The following CARM1 variants were observed in gnomAD, a reference collection of about 807,000 sequenced individuals.
CARM1 encodes the protein coactivator associated arginine methyltransferase 1.
In CARM1, 14 loss-of-function variants were observed where a neutral mutation model predicts 72.7. The observed-to-expected ratio is 0.19, with a 90% confidence interval of 0.13 to 0.30. The LOEUF is 0.30. Among genes scored for constraint, CARM1 ranks in the 10% least tolerant of loss-of-function variants. The probability of loss-of-function intolerance (pLI) is 1.00; values close to 1 mark genes in which losing one functional copy is unlikely to be tolerated. For missense variants in CARM1, 432 were observed against 833.7 expected (o/e 0.52, Z 5.93); for synonymous variants, 333 against 345.5 (o/e 0.96, Z 0.40).
At chr19:10,880,128 C>T (rs565256158) in intron 1 of CARM1, among the ~76,000 whole-genome samples, 1 of 152,214 alleles carries the variant, frequency 6.6e-6, no homozygotes, top group Admixed American at 6.5e-5. Flanking sequence ...CTCAGGAAGA[C>T]CTCTGTGGCA....
chr19:10,872,326 T>C (rs995378463), intron 1 of CARM1, among the ~76,000 whole-genome samples: 3 of 150,082 alleles, frequency 2.0e-5, no homozygotes, highest in African/African-American at 7.4e-5. Flanking sequence ...CGTGGCCGCC[T>C]CTGCAGGGAG....
chr19:10,897,874 G>A (rs1161133263), intron 1 of CARM1, among the ~76,000 whole-genome samples: 1 of 152,140 alleles, frequency 6.6e-6, no homozygotes, highest in Admixed American at 6.5e-5. Context: ...GGGAGGCTGA[G>A]GCAGGCGGAT....
chr19:10,921,144 G>A lies in CARM1; in HGVS notation c.1615+17G>A. On this transcript the variant is annotated intron_variant, in intron 14 of 15. Coordinates refer to ENST00000327064, the MANE Select transcript of CARM1 (RefSeq NM_199141.2). ...TTCCTTTAGGTGAGTGTCCCCCAGG[G>A]CCAGGGGCAGCAGGGAGCCATGCCC... is the stretch of plus-strand genomic sequence containing the variant. 2 of 1,610,602 alleles carry A rather than the reference G, an allele frequency of 1.2e-6. No individual in the cohort carries two copies. The highest frequency in any genetic ancestry group is 1.3e-5 in the African/African-American group (1 of 74,980).
intron 1 of CARM1, among the ~76,000 whole-genome samples, chr19:10,884,958 G>A (rs967753335): frequency 2.6e-5 from 4 of 152,190 alleles, no homozygotes; most frequent in Admixed American, 1.3e-4. Context: ...CACCAGCCTT[G>A]GCCTCCCAAA....
chr19:10,920,037 G>A lies in CARM1; in HGVS notation c.1196+71G>A, dbSNP rs77625721. On this transcript the variant is annotated intron_variant, in intron 10 of 15. Transcript: ENST00000327064. The surrounding 1 kb of genome is among the most constrained non-coding windows in gnomAD (Gnocchi z 5.3). ...GGCTTCCTGCAGCTGCAACCTGGCT[G>A]GGGGGGTGGAACATGGCTCCAGGTT... 3 of 1,205,012 alleles carry A rather than the reference G, an allele frequency of 2.5e-6. No individual in the cohort carries two copies. The highest frequency in any genetic ancestry group is 2.3e-5 in the East Asian group (1 of 42,634). The allele number at this position is 1,205,012 out of a possible 1,614,324, so 74.6% of individuals were successfully genotyped here.
intron 8 of CARM1, among the ~76,000 whole-genome samples, chr19:10,917,345 C>T (rs147405470): frequency 0.013 from 2,050 of 152,118 alleles, 28 homozygotes; most frequent in Middle Eastern, 0.031. Flanking sequence ...GACGTGGTGG[C>T]GGGCGCCTGT....
At chr19:10,904,239 G>A (rs1220899388) in intron 1 of CARM1, among the ~76,000 whole-genome samples, 1 of 152,210 alleles carries the variant, frequency 6.6e-6, no homozygotes, top group Admixed American at 6.5e-5. Context: ...AAACATTTTT[G>A]CCAAGAATAC....
At chr19:10,884,780 C>A (rs942103695) in intron 1 of CARM1, among the ~76,000 whole-genome samples, 1 of 152,196 alleles carries the variant, frequency 6.6e-6, no homozygotes, top group African/African-American at 2.4e-5. Flanking sequence ...TCTCAGCTCA[C>A]TGCAACCTCC....
intron 1 of CARM1, among the ~76,000 whole-genome samples, chr19:10,890,382 C>T (rs1315589250): frequency 6.6e-6 from 1 of 150,842 alleles, no homozygotes; most frequent in Non-Finnish European, 1.5e-5. Flanking sequence ...ATTCTCCTGT[C>T]TTAGCCTCCC....
rs76496718 is a variant in CARM1, at chr19:10,919,376, C to A, written c.1021-219C>A. ...AGGTTAAACTCCTGTAGTGCCAAAT[C>A]TTTTATGTGGATAAACACTTGTCAT... On this transcript the variant is annotated intron_variant, in intron 8 of 15. Coordinates refer to ENST00000327064, the MANE Select transcript of CARM1 (RefSeq NM_199141.2). 2,001 of 542,166 alleles carry A rather than the reference C, an allele frequency of 3.7e-3. 27 individuals are homozygous for A. Among genetic ancestry groups the A allele is most frequent in the African/African-American group, 0.033 (1,765 of 52,944 alleles). The allele number at this position is 542,166 out of a possible 1,614,324, so 33.6% of individuals were successfully genotyped here.
chr19:10,899,139 G>A (rs947393336), intron 1 of CARM1, among the ~76,000 whole-genome samples: 9 of 148,086 alleles, frequency 6.1e-5, no homozygotes, highest in Non-Finnish European at 8.9e-5. Flanking sequence ...TGCCGGCTCC[G>A]CGGGCTTTAG....
Position 10,921,730 on chromosome 19 carries a change from G to C in CARM1, c.1800G>C (p.Pro600=). Residue 600 remains proline (P), a synonymous_variant, in exon 16 of 16, where the codon CCG becomes CCC. Transcript: ENST00000327064. ...AISMASPMSI[P]TNTMHYGS ...CCATGGCGTCGCCCATGTCCATCCC[G>C]ACCAACACCATGCACTACGGGAGCT... The C allele has an allele frequency of 6.2e-7, 1 of 1,611,632 alleles. No individual in the cohort carries two copies.
intron 2 of CARM1, among the ~76,000 whole-genome samples, chr19:10,906,525 C>T (rs1461056595): frequency 2.6e-5 from 4 of 152,094 alleles, no homozygotes; most frequent in Non-Finnish European, 4.4e-5. Context: ...TGCAGTGGCG[C>T]GATCTCGGCT....
chr19:10,921,192 G>T, intron 14 of CARM1, 65 bp downstream of exon 14: 1 of 1,543,126 alleles, frequency 6.5e-7, no homozygotes, highest in African/African-American at 1.4e-5. Flanking sequence ...GGGCCGGGAA[G>T]GGCCTGTGGT....
chr19:10,909,261 T>C (rs1172404294), intron 4 of CARM1, 54 bp downstream of exon 4: 1 of 1,118,754 alleles, frequency 8.9e-7, no homozygotes, highest in East Asian at 2.4e-5. Flanking sequence ...GTTTTTTTTT[T>C]CTTTGCTCAT....
At chr19:10,908,751 C>G in intron 3 of CARM1, 1 of 243,772 alleles carries the variant, frequency 4.1e-6, no homozygotes, top group Non-Finnish European at 8.2e-6. Flanking sequence ...TTCTAGGGCT[C>G]TGTTCGATCT....
intron 1 of CARM1, among the ~76,000 whole-genome samples, chr19:10,879,486 G>A (rs942624479): frequency 4.6e-5 from 7 of 152,218 alleles, no homozygotes; most frequent in South Asian, 2.1e-4. Flanking sequence ...TGGGAAGGAC[G>A]TTTCTGGGTT....
intron 5 of CARM1, 124 bp from the exon 6 acceptor site, chr19:10,913,753 C>T (rs2074173009): frequency 2.0e-6 from 2 of 1,008,222 alleles, no homozygotes; most frequent in South Asian, 1.8e-5. Flanking sequence ...GGGGCGCCAG[C>T]GAAGCAGGCA....
At chr19:10,873,624 GTTTTTTTTTTT>G (rs1169565864) in intron 1 of CARM1, among the ~76,000 whole-genome samples, 38 of 47,342 alleles carry the variant, frequency 8.0e-4, no homozygotes, top group South Asian at 6.1e-3. Flanking sequence ...TTTTAGTTTA[GTTTTTTTTTTT>G]TTTTTTTTTT....
Sources: gnomAD v4.1 joint callset for allele counts (sites outside exome capture counted in the v4.1 genomes callset) on GRCh38, gnomAD v4.1.1 for gene constraint, Gnocchi (gnomAD v3.1) non-coding constraint, MANE v1.5 for transcripts, NCBI Gene and HGNC (gene_info 2026-07-23, HGNC 2026-07-21) for gene names.